The following RNGTT variants were observed in gnomAD, a reference collection of about 807,000 sequenced individuals.
RNGTT encodes the protein mRNA-capping enzyme.
A neutral mutation model predicts 79.3 loss-of-function variants in RNGTT; 33 were observed. That is an observed-to-expected ratio of 0.42 (90% CI 0.32 to 0.56). RNGTT has a LOEUF of 0.56. RNGTT is among the 20% of genes least tolerant of loss of function. The pLI is 0.17. For synonymous variants in RNGTT, 222 were observed against 235.9 expected (o/e 0.94, Z 0.54); for missense variants, 497 against 739.1 (o/e 0.67, Z 3.80).
At chr6:88,800,226 G>A (rs1779740523) in intron 12 of RNGTT, among the ~76,000 whole-genome samples, 1 of 152,156 alleles carries the variant, frequency 6.6e-6, no homozygotes, top group South Asian at 2.1e-4. Flanking sequence ...AAGTGGTTTG[G>A]ATTCTGATTT....
intron 12 of RNGTT, among the ~76,000 whole-genome samples, chr6:88,799,284 T>A (rs1779703813): frequency 6.6e-6 from 1 of 152,196 alleles, no homozygotes; most frequent in Non-Finnish European, 1.5e-5. Context: ...CTGGGTAGCA[T>A]GACAAATTGA....
At chr6:88,774,057 C>T (rs1268862760) in intron 12 of RNGTT, among the ~76,000 whole-genome samples, 1 of 152,214 alleles carries the variant, frequency 6.6e-6, no homozygotes, top group African/African-American at 2.4e-5. Flanking sequence ...GCAAATTATA[C>T]ATCTGATATA....
At chr6:88,949,138 AAAAATAAAAT>A (rs1268929702) in intron 1 of RNGTT, among the ~76,000 whole-genome samples, 1 of 141,686 alleles carries the variant, frequency 7.1e-6, no homozygotes, top group East Asian at 2.1e-4. Flanking sequence ...AATAAAAATA[AAAAATAAAAT>A]AAAATAAAAT....
chr6:88,758,263 A>G (rs1479309089), intron 13 of RNGTT, among the ~76,000 whole-genome samples: 2 of 152,208 alleles, frequency 1.3e-5, no homozygotes, highest in Non-Finnish European at 2.9e-5. Flanking sequence ...AAATTACCAA[A>G]ATTAATTTTA....
At chr6:88,798,215 A>T (rs1779664780) in intron 12 of RNGTT, among the ~76,000 whole-genome samples, 1 of 152,186 alleles carries the variant, frequency 6.6e-6, no homozygotes, top group Non-Finnish European at 1.5e-5. Context: ...CTGTAATCCC[A>T]GCACTTTGCG....
At chr6:88,666,326 C>T (rs1774407060) in intron 14 of RNGTT, among the ~76,000 whole-genome samples, 1 of 152,210 alleles carries the variant, frequency 6.6e-6, no homozygotes, top group African/African-American at 2.4e-5. Flanking sequence ...TGTGGCCTAC[C>T]TCTCTAAACA....
At chr6:88,896,720 G>A (rs559062495) in intron 6 of RNGTT, among the ~76,000 whole-genome samples, 4 of 152,198 alleles carry the variant, frequency 2.6e-5, no homozygotes, top group African/African-American at 9.6e-5. Flanking sequence ...GTTATTTTCT[G>A]CTGTTTACAG....
At chr6:88,754,498 T>C (rs539822587) in intron 13 of RNGTT, among the ~76,000 whole-genome samples, 1 of 151,954 alleles carries the variant, frequency 6.6e-6, no homozygotes, top group Admixed American at 6.6e-5. Context: ...TGCCACCACT[T>C]AGAGCACTCC....
At chr6:88,929,292 G>C (rs1360788097) in intron 2 of RNGTT, 25 bp from the exon 3 acceptor site, 3 of 1,334,664 alleles carry the variant, frequency 2.2e-6, no homozygotes, top group African/African-American at 3.0e-5. Context: ...AAATGAAAGG[G>C]CAAATTTACT....
At chr6:88,916,545 TG>T (rs1401350026) in intron 4 of RNGTT, among the ~76,000 whole-genome samples, 3 of 152,218 alleles carry the variant, frequency 2.0e-5, no homozygotes, top group African/African-American at 7.2e-5. Flanking sequence ...CTCAATATGT[TG>T]TTTTTTTAGC....
At chr6:88,698,213 T>TATATATGATATATATGAA (rs1562202076) in intron 13 of RNGTT, among the ~76,000 whole-genome samples, 36 of 100,898 alleles carry the variant, frequency 3.6e-4, no homozygotes, top group African/African-American at 1.6e-3. Context: ...ATATATGAAA[T>TATATATGATATATATGAA]ATATATATCA....
chr6:88,919,459 T>C (rs1784096162), intron 4 of RNGTT, among the ~76,000 whole-genome samples: 1 of 152,128 alleles, frequency 6.6e-6, no homozygotes, highest in Non-Finnish European at 1.5e-5. Context: ...CAATGTATCT[T>C]TTTAAATAAA....
intron 14 of RNGTT, among the ~76,000 whole-genome samples, chr6:88,638,417 C>T (rs1462809029): frequency 6.6e-6 from 1 of 152,072 alleles, no homozygotes; most frequent in Non-Finnish European, 1.5e-5. Flanking sequence ...GATTAAAAGC[C>T]ACTACAAAGA....
chr6:88,895,240 T>C (rs1395582708), intron 6 of RNGTT, among the ~76,000 whole-genome samples: 2 of 142,152 alleles, frequency 1.4e-5, no homozygotes, highest in African/African-American at 5.7e-5. Context: ...TGTGTGTGTG[T>C]GTGTGTGTGT....
chr6:88,743,789 C>T (rs895691222), intron 13 of RNGTT, among the ~76,000 whole-genome samples: 2 of 152,158 alleles, frequency 1.3e-5, no homozygotes, highest in African/African-American at 4.8e-5. Context: ...GGGTATAAAT[C>T]TCTTTGAAAC....
At chr6:88,893,237 A>G (rs1325779877) in intron 6 of RNGTT, among the ~76,000 whole-genome samples, 2 of 152,110 alleles carry the variant, frequency 1.3e-5, no homozygotes, top group Non-Finnish European at 2.9e-5. Flanking sequence ...TTCTTATGCT[A>G]ATTAAAAAAG....
At chr6:88,740,457 T>C (rs1003621135) in intron 13 of RNGTT, among the ~76,000 whole-genome samples, 1 of 151,814 alleles carries the variant, frequency 6.6e-6, no homozygotes, top group Non-Finnish European at 1.5e-5. Context: ...AGGTCAAGGC[T>C]GCAGTGAGCT....
chr6:88,767,805 C>T (rs1778515657), intron 13 of RNGTT, among the ~76,000 whole-genome samples: 1 of 151,850 alleles, frequency 6.6e-6, no homozygotes, highest in African/African-American at 2.4e-5. Context: ...AACCTACACC[C>T]AACTTGCATG....
At chr6:88,835,243 G>A (rs897492201) in intron 11 of RNGTT, among the ~76,000 whole-genome samples, 1 of 152,012 alleles carries the variant, frequency 6.6e-6, no homozygotes, top group Non-Finnish European at 1.5e-5. Context: ...TGGGGGAAAG[G>A]GGACAGGGAC....
Sources: gnomAD v4.1 joint callset for allele counts (sites outside exome capture counted in the v4.1 genomes callset) on GRCh38, gnomAD v4.1.1 for gene constraint, MANE v1.5 for transcripts, NCBI Gene and HGNC (gene_info 2026-07-23, HGNC 2026-07-21) for gene names.